Variants in ZBTB16 observed in about 807,000 individuals in gnomAD.
ZBTB16 encodes the protein zinc finger and BTB domain containing 16.
In ZBTB16, 8 loss-of-function variants were observed where a neutral mutation model predicts 56.8. The ratio of observed to expected loss-of-function variants is 0.14; its 90% CI spans 0.08 to 0.25. The LOEUF (loss-of-function observed/expected upper bound fraction) is 0.25, where lower values mean the gene tolerates loss of function less well. ZBTB16 is among the 10% of genes least tolerant of loss of function. The pLI is 1.00. For synonymous variants in ZBTB16, 363 were observed against 368.5 expected, an observed-to-expected ratio of 0.98 and a Z score of 0.17; for missense variants, 625 against 903.0, an observed-to-expected ratio of 0.69 and a Z score of 3.95.
intron 2 of ZBTB16, among the ~76,000 whole-genome samples, chr11:114,113,792 C>A (rs947923505): frequency 7.9e-5 from 12 of 152,194 alleles, no homozygotes; most frequent in African/African-American, 2.9e-4. Context: ...AAAATCAATT[C>A]TATGGAGGTT....
intron 3 of ZBTB16, among the ~76,000 whole-genome samples, chr11:114,170,605 T>A (rs1301967410): frequency 6.6e-6 from 1 of 152,092 alleles, no homozygotes; most frequent in Non-Finnish European, 1.5e-5. Flanking sequence ...TGGAATTCTT[T>A]CACTTGCCTG....
chr11:114,180,968 C>T (rs141598698), intron 3 of ZBTB16: 3 of 152,348 alleles, frequency 2.0e-5, no homozygotes, highest in East Asian at 3.9e-4. Context: ...CTGATACTGA[C>T]ATATTGGTTC....
At chr11:114,249,328 G>A (rs941076425) in intron 6 of ZBTB16, among the ~76,000 whole-genome samples, 6 of 151,304 alleles carry the variant, frequency 4.0e-5, no homozygotes, top group Non-Finnish European at 8.8e-5. Context: ...GCATGGTGGC[G>A]GCACCTGTGA....
intron 2 of ZBTB16, among the ~76,000 whole-genome samples, chr11:114,074,282 G>A (rs1206658332): frequency 6.6e-6 from 1 of 152,164 alleles, no homozygotes; most frequent in Non-Finnish European, 1.5e-5. Context: ...TAGGCCTGTT[G>A]GCACGGCTCT....
intron 3 of ZBTB16, among the ~76,000 whole-genome samples, chr11:114,163,240 G>A (rs1942644919): frequency 9.2e-6 from 1 of 108,622 alleles, no homozygotes; most frequent in Admixed American, 1.5e-4. Flanking sequence ...TCTGCCTCAA[G>A]AGCCTAAACT....
At chr11:114,182,563 A>G (rs537163116) in intron 3 of ZBTB16, among the ~76,000 whole-genome samples, 2 of 152,256 alleles carry the variant, frequency 1.3e-5, no homozygotes, top group East Asian at 3.9e-4. Flanking sequence ...GGATATGGCA[A>G]GTCATGGCCA....
intron 2 of ZBTB16, among the ~76,000 whole-genome samples, chr11:114,128,031 AT>A (rs746953523): frequency 1.3e-5 from 2 of 152,154 alleles, no homozygotes; most frequent in Non-Finnish European, 2.9e-5. Flanking sequence ...GTTAAGAAAG[AT>A]TCAGTGGGAA....
At chr11:114,232,888 C>T (rs1791808) in intron 4 of ZBTB16, among the ~76,000 whole-genome samples, 26,722 of 152,134 alleles carry the variant, frequency 0.18, 2,970 homozygotes, top group South Asian at 0.26. Flanking sequence ...AGGCGTCCTG[C>T]GGGCTCCAGG....
In ZBTB16 at chr11:114,209,494, C is replaced by T. The variant is rs536836443; in HGVS notation, c.1453+22456C>T. On this transcript the variant is annotated intron_variant, in intron 4 of 6. Coordinates refer to ENST00000335953, the MANE Select transcript of ZBTB16 (RefSeq NM_006006.6). The stretch of plus-strand genomic sequence containing the variant: ...CCCCAGAGGCCCCTCTCCCCAGACC[C>T]TTCAGCTCCAGAAAGCCATTGTGCT... The T allele has an allele frequency of 2.5e-5, 25 of 985,364 alleles. No homozygotes were observed. In the African/African-American group the frequency reaches 3.7e-4, roughly 14 times the overall value. The allele number at this position is 985,364 out of a possible 1,614,324, so 61.0% of individuals were successfully genotyped here. A position where few individuals can be genotyped will look rare whatever the true frequency, so the allele number is the denominator to read the frequency against.
chr11:114,232,610 G>A (rs999063618), intron 4 of ZBTB16, among the ~76,000 whole-genome samples: 5 of 152,198 alleles, frequency 3.3e-5, no homozygotes, highest in Non-Finnish European at 7.3e-5. Context: ...GCTGGGTTGG[G>A]TTGGGCTGGG....
Position 114,214,788 on chromosome 11 carries a change from G to A in ZBTB16, c.1454-27379G>A, listed in dbSNP as rs777870657. Reference sequence around the variant, plus strand: ...CCGGCTAATTTTTATATTTTTAGTAGAGACGGAGTTTCGCCATGTTGGCCA... The same window carrying A: ...CCGGCTAATTTTTATATTTTTAGTAAAGACGGAGTTTCGCCATGTTGGCCA... On this transcript the variant is annotated intron_variant, in intron 4 of 6. Coordinates refer to ENST00000335953, the MANE Select transcript of ZBTB16 (RefSeq NM_006006.6). 2.6e-5 allele frequency among the ~76,000 whole-genome samples: 4 copies of A among 152,192 alleles called. No individual in the cohort carries two copies. In the East Asian group the frequency reaches 7.7e-4, roughly 29 times the overall value.
chr11:114,174,883 G>A (rs1453022251), intron 3 of ZBTB16, among the ~76,000 whole-genome samples: 1 of 152,182 alleles, frequency 6.6e-6, no homozygotes, highest in African/African-American at 2.4e-5. Flanking sequence ...GCAGGGAAGA[G>A]GCAGGGTTCA....
At chr11:114,109,687 G>C (rs1330677793) in intron 2 of ZBTB16, among the ~76,000 whole-genome samples, 5 of 151,754 alleles carry the variant, frequency 3.3e-5, no homozygotes, top group Non-Finnish European at 2.9e-5. Context: ...AGGAAAGGAA[G>C]AGTTGGGGGA....
At chr11:114,151,361 C>G (rs925496918) in intron 2 of ZBTB16, among the ~76,000 whole-genome samples, 5 of 152,182 alleles carry the variant, frequency 3.3e-5, no homozygotes, top group Non-Finnish European at 7.3e-5. Flanking sequence ...CTCAGTTAGG[C>G]TGAAAACAAG....
chr11:114,246,993 A>G (rs922434305), intron 5 of ZBTB16: 2 of 661,352 alleles, frequency 3.0e-6, no homozygotes, highest in African/African-American at 3.6e-5. Context: ...ACAGATGATC[A>G]TGGGGCCACA....
intron 4 of ZBTB16, among the ~76,000 whole-genome samples, chr11:114,189,924 C>T (rs182785105): frequency 2.6e-5 from 4 of 152,236 alleles, no homozygotes; most frequent in Admixed American, 1.3e-4. Flanking sequence ...ATGGAAACAA[C>T]CCAATGTCTA....
chr11:114,070,830 T>C (rs1174298407), intron 2 of ZBTB16, among the ~76,000 whole-genome samples: 1 of 152,232 alleles, frequency 6.6e-6, no homozygotes, highest in East Asian at 1.9e-4. Flanking sequence ...TGAATCCATT[T>C]CCATTTCCAG....
At chr11:114,216,384 G>A (rs12282165) in intron 4 of ZBTB16, among the ~76,000 whole-genome samples, 9,457 of 152,212 alleles carry the variant, frequency 0.062, 987 homozygotes, top group African/African-American at 0.21. Flanking sequence ...CTTCTGCCTT[G>A]TCCCACCCTT....
At position 114,175,568 on chromosome 11, in the gene ZBTB16, G is replaced by A. The variant is rs548609082; in HGVS notation, c.1367-11384G>A. 6.6e-5 allele frequency among the ~76,000 whole-genome samples: 10 copies of A among 151,842 alleles called. No individual in the cohort carries two copies. In the South Asian group the frequency reaches 1.2e-3, roughly 19 times the overall value. On this transcript the variant is annotated intron_variant, in intron 3 of 6. Transcript: ENST00000335953. ...TCTCCCGGGTTCAAATGATTCTCCT[G>A]CCTCAGCCTCCCGAGTAGCTGGGAG...
Sources: allele counts gnomAD v4.1 joint callset (sites outside exome capture counted in the v4.1 genomes callset), GRCh38; gene constraint gnomAD v4.1.1; transcripts MANE v1.5; gene names NCBI Gene and HGNC (gene_info 2026-07-23, HGNC 2026-07-21).